CABCOCO1: variants seen among roughly 807,000 people sequenced by gnomAD.
CABCOCO1 encodes the protein ciliary-associated calcium-binding coiled-coil protein 1.
Under a neutral mutation model 35.7 loss-of-function variants are expected in CABCOCO1, and 28 were observed. That is an observed-to-expected ratio of 0.78 (90% CI 0.58 to 1.07). The LOEUF is 1.07. Among genes scored for constraint, CABCOCO1 ranks in the 50% least tolerant of loss-of-function variants. CABCOCO1 has a pLI of 0.00. For synonymous variants in CABCOCO1, 95 were observed against 100.1 expected, an observed-to-expected ratio of 0.95 and a Z score of 0.30; for missense variants, 326 against 309.2, an observed-to-expected ratio of 1.05 and a Z score of -0.41.
In CABCOCO1 at chr10:61,711,260, A is replaced by C. The variant is rs1020311007; in HGVS notation, c.552+20639A>C. On this transcript the variant is annotated intron_variant, in intron 5 of 7. Coordinates refer to ENST00000648843, the MANE Select transcript of CABCOCO1 (RefSeq NM_001366906.2). ...CTATATAATTCCTACAAGAATAAGG[A>C]CATAAACAGTTTGCAAGTGGGGAAA... Among the ~76,000 whole-genome samples the C allele has an allele frequency of 2.0e-5, 3 of 152,024 alleles. No homozygotes were observed. In the South Asian group the frequency reaches 6.2e-4, roughly 31 times the overall value.
At chr10:61,758,162 C>T (rs536752527) in intron 5 of CABCOCO1, among the ~76,000 whole-genome samples, 32 of 152,174 alleles carry the variant, frequency 2.1e-4, no homozygotes, top group African/African-American at 7.7e-4. Context: ...TCCCCACCAC[C>T]CCCACTCCAA....
At chr10:61,748,235 A>G (rs947935701) in intron 5 of CABCOCO1, among the ~76,000 whole-genome samples, 1 of 152,106 alleles carries the variant, frequency 6.6e-6, no homozygotes, top group South Asian at 2.1e-4. Context: ...ATAGATAGTG[A>G]CTTACTGACC....
At chr10:61,750,671 T>C (rs909949991) in intron 5 of CABCOCO1, among the ~76,000 whole-genome samples, 4 of 152,240 alleles carry the variant, frequency 2.6e-5, no homozygotes, top group African/African-American at 4.8e-5. Context: ...TAGGGCTCCA[T>C]TGATATGAAA....
At chr10:61,686,238 T>A in intron 4 of CABCOCO1, 53 bp downstream of exon 4, 2 of 1,430,270 alleles carry the variant, frequency 1.4e-6, no homozygotes, top group South Asian at 1.4e-5. Flanking sequence ...TTCTGGAAAA[T>A]GTCTGTTAAG....
intron 5 of CABCOCO1, among the ~76,000 whole-genome samples, chr10:61,759,792 A>T (rs1382780323): frequency 1.7e-4 from 26 of 152,050 alleles, no homozygotes; most frequent in Admixed American, 1.7e-3. Flanking sequence ...AGCACAAAAC[A>T]GTTAAGAACG....
At chr10:61,715,801 T>G (rs1180177882) in intron 5 of CABCOCO1, among the ~76,000 whole-genome samples, 2 of 152,208 alleles carry the variant, frequency 1.3e-5, no homozygotes, top group East Asian at 1.9e-4. Flanking sequence ...ACATTCTGGG[T>G]TGAAAATTCT....
intron 7 of CABCOCO1, among the ~76,000 whole-genome samples, chr10:61,763,121 T>C (rs1322159966): frequency 2.0e-5 from 3 of 152,136 alleles, no homozygotes; most frequent in African/African-American, 7.2e-5. Flanking sequence ...TAAGATGTTT[T>C]AAATTTTCTC....
intron 2 of CABCOCO1, among the ~76,000 whole-genome samples, chr10:61,676,255 A>G (rs1299935361): frequency 6.6e-6 from 1 of 151,978 alleles, no homozygotes; most frequent in Non-Finnish European, 1.5e-5. Context: ...AATTTATTTC[A>G]TAACCCAGCT....
intron 1 of CABCOCO1, among the ~76,000 whole-genome samples, chr10:61,666,989 A>T (rs922016610): frequency 2.1e-5 from 3 of 141,798 alleles, no homozygotes; most frequent in African/African-American, 7.7e-5. Context: ...AAATATAATT[A>T]TATATTATAT....
chr10:61,738,015 A>T (rs1387815908), intron 5 of CABCOCO1, among the ~76,000 whole-genome samples: 6 of 151,678 alleles, frequency 4.0e-5, no homozygotes, highest in Admixed American at 2.0e-4. Context: ...CTTACCAATT[A>T]AAGCGTATAC....
chr10:61,710,108 A>G (rs1205019104), intron 5 of CABCOCO1, among the ~76,000 whole-genome samples: 1 of 152,032 alleles, frequency 6.6e-6, no homozygotes, highest in African/African-American at 2.4e-5. Context: ...ATTACTAATA[A>G]AAATTATTTT....
At chr10:61,722,897 CAAA>C (rs1272805852) in intron 5 of CABCOCO1, among the ~76,000 whole-genome samples, 1 of 151,990 alleles carries the variant, frequency 6.6e-6, no homozygotes, top group Non-Finnish European at 1.5e-5. Context: ...AAACTGAAAA[CAAA>C]GAAGTCTTCA....
intron 2 of CABCOCO1, among the ~76,000 whole-genome samples, chr10:61,680,099 T>G (rs976610043): frequency 6.6e-6 from 1 of 151,620 alleles, no homozygotes; most frequent in Non-Finnish European, 1.5e-5. Context: ...TCACTTGAGA[T>G]CAGGAGTTCG....
chr10:61,732,847 G>A (rs1432436625), intron 5 of CABCOCO1, among the ~76,000 whole-genome samples: 1 of 151,986 alleles, frequency 6.6e-6, no homozygotes, highest in Non-Finnish European at 1.5e-5. Context: ...ATCTCCTGGA[G>A]AACAACTTGA....
chr10:61,686,231 T>C, intron 4 of CABCOCO1, 46 bp downstream of exon 4: 3 of 1,443,228 alleles, frequency 2.1e-6, no homozygotes, highest in South Asian at 1.4e-5. Flanking sequence ...TCACATCTTC[T>C]GGAAAATGTC....
chr10:61,756,878 C>A (rs186805194), intron 5 of CABCOCO1, among the ~76,000 whole-genome samples: 1 of 151,404 alleles, frequency 6.6e-6, no homozygotes, highest in East Asian at 1.9e-4. Flanking sequence ...TAAGAGGTAA[C>A]ATATTAGACT....
chr10:61,707,513 AGGAATCCC>A (rs1483888031), intron 5 of CABCOCO1, among the ~76,000 whole-genome samples: 1 of 152,214 alleles, frequency 6.6e-6, no homozygotes, highest in Non-Finnish European at 1.5e-5. Context: ...CTGGGCATTC[AGGAATCCC>A]TTATTGGGGA....
At chr10:61,708,327 T>C (rs912126493) in intron 5 of CABCOCO1, among the ~76,000 whole-genome samples, 1 of 151,976 alleles carries the variant, frequency 6.6e-6, no homozygotes. Context: ...CTTCATTTGT[T>C]GCCTTTATAG....
intron 3 of CABCOCO1, among the ~76,000 whole-genome samples, chr10:61,684,461 A>C (rs1284911956): frequency 3.3e-5 from 5 of 152,160 alleles, no homozygotes; most frequent in Admixed American, 6.5e-5. Flanking sequence ...TGTGTAATCC[A>C]GAAATACCTG....
Sources: allele counts gnomAD v4.1 joint callset (sites outside exome capture counted in the v4.1 genomes callset), GRCh38; gene constraint gnomAD v4.1.1; transcripts MANE v1.5; gene names NCBI Gene and HGNC (gene_info 2026-07-23, HGNC 2026-07-21).